TRPS1: variants seen among roughly 807,000 people sequenced by gnomAD.
The protein encoded by TRPS1 is zinc finger transcription factor Trps1.
Under a neutral mutation model 101.2 loss-of-function variants are expected in TRPS1, and 6 were observed. The observed-to-expected ratio is 0.06, with a 90% CI of 0.03 to 0.12. TRPS1 has a LOEUF of 0.12. TRPS1 is among the 10% of genes least tolerant of loss of function. The pLI, the probability that TRPS1 is intolerant of heterozygous loss-of-function variation, is 1.00. For missense variants in TRPS1, 1,363 were observed against 1,567.0 expected (o/e 0.87, Z 2.20); for synonymous variants, 578 against 589.8 (o/e 0.98, Z 0.29).
At chr8:115,652,722 A>T (rs1367208210) in intron 1 of TRPS1, among the ~76,000 whole-genome samples, 1 of 152,254 alleles carries the variant, frequency 6.6e-6, no homozygotes, top group African/African-American at 2.4e-5. Context: ...TAATCAATCT[A>T]CAACTGGATT....
chr8:115,556,277 A>C (rs901310545), intron 5 of TRPS1, among the ~76,000 whole-genome samples: 1 of 152,188 alleles, frequency 6.6e-6, no homozygotes, highest in Admixed American at 6.5e-5. Context: ...AGAGAAACTG[A>C]TGGCAAAGAT....
intron 5 of TRPS1, among the ~76,000 whole-genome samples, chr8:115,436,096 A>G (rs1234713889): frequency 6.6e-6 from 1 of 151,730 alleles, no homozygotes; most frequent in Admixed American, 6.6e-5. Flanking sequence ...TAAGCCTTTA[A>G]TCATTACTCA....
chr8:115,621,010 A>C (rs781351140), intron 2 of TRPS1, among the ~76,000 whole-genome samples: 43 of 152,246 alleles, frequency 2.8e-4, no homozygotes, highest in Non-Finnish European at 5.7e-4. Flanking sequence ...TCACCTTTAC[A>C]CATTAGCTCA....
chr8:115,418,181 C>A lies in TRPS1; in HGVS notation c.2823+149G>T. The A allele has an allele frequency of 7.6e-7, 1 of 1,308,526 alleles. No individual in the cohort carries two copies. The highest frequency in any genetic ancestry group is 1.1e-6 in the Non-Finnish European group (1 of 916,084). The allele number at this position is 1,308,526 out of a possible 1,614,324, so 81.1% of individuals were successfully genotyped here. ...CCCATCACATCTAAGCCCCCTTCAC[C>A]ATAAATCACATGTGCACTCAAAGTG... On this transcript the variant is annotated intron_variant, in intron 6 of 6. Transcript: ENST00000395715. This position sits in a 1 kb window ranked among gnomAD's most constrained non-coding sequence, Gnocchi z 4.3.
chr8:115,453,026 AT>A (rs1315243679), intron 5 of TRPS1, among the ~76,000 whole-genome samples: 107 of 145,916 alleles, frequency 7.3e-4, no homozygotes, highest in African/African-American at 1.1e-3. Context: ...TCCACTTTCA[AT>A]TTTTTTTTTT....
At chr8:115,634,892 A>T (rs1277792853) in intron 1 of TRPS1, among the ~76,000 whole-genome samples, 17 of 151,970 alleles carry the variant, frequency 1.1e-4, no homozygotes, top group Admixed American at 1.1e-3. Flanking sequence ...TAAAAAGAAG[A>T]AAGAAAAGAC....
At chr8:115,611,806 TATGTAATAAGTAATATAA>T (rs1434559411) in intron 3 of TRPS1, among the ~76,000 whole-genome samples, 4 of 152,232 alleles carry the variant, frequency 2.6e-5, no homozygotes, top group Admixed American at 1.3e-4. Context: ...CGGTGCTTGC[TATGTAATAAGTAATATAA>T]ATGTAATAAG....
At chr8:115,599,256 T>C (rs951139222) in intron 4 of TRPS1, among the ~76,000 whole-genome samples, 5 of 152,212 alleles carry the variant, frequency 3.3e-5, no homozygotes, top group Admixed American at 6.6e-5. Flanking sequence ...TCAATCCATA[T>C]GTTTTAAGTT....
chr8:115,501,781 T>C (rs1486304412), intron 5 of TRPS1, among the ~76,000 whole-genome samples: 1 of 152,194 alleles, frequency 6.6e-6, no homozygotes, highest in Admixed American at 6.5e-5. Context: ...TCTGGGTAAC[T>C]TGACCTCCTA....
chr8:115,477,722 C>T (rs960136954), intron 5 of TRPS1, among the ~76,000 whole-genome samples: 1 of 152,128 alleles, frequency 6.6e-6, no homozygotes, highest in Non-Finnish European at 1.5e-5. Context: ...ATCTCTGTAT[C>T]CTTAGTTGGC....
Position 115,647,992 on chromosome 8 carries a change from TAC to T in TRPS1, c.-122+20551_-122+20552del, listed in dbSNP as rs922719033. 7.9e-5 allele frequency among the ~76,000 whole-genome samples: 12 copies of T among 152,204 alleles called. No individual in the cohort carries two copies. The East Asian group carries it at 9.7e-4, about 12-fold the overall frequency. On this transcript the variant is annotated intron_variant, in intron 1 of 6. Transcript: ENST00000395715. ...TTTTTTGCATTAATCTCATGCCTCT[TAC>T]AGTTTGCCCAATGATCACAGGTGAA...
chr8:115,580,946 C>A (rs1190602277), intron 5 of TRPS1, among the ~76,000 whole-genome samples: 1 of 152,026 alleles, frequency 6.6e-6, no homozygotes, highest in Non-Finnish European at 1.5e-5. Flanking sequence ...GACACCTGTA[C>A]CCCCATGTTC....
At chr8:115,632,285 C>A (rs934238156) in intron 1 of TRPS1, among the ~76,000 whole-genome samples, 3 of 151,928 alleles carry the variant, frequency 2.0e-5, no homozygotes, top group African/African-American at 4.8e-5. Context: ...TCTGTATTCT[C>A]CAACATTCCA....
intron 4 of TRPS1, among the ~76,000 whole-genome samples, chr8:115,601,002 C>T (rs1817895532): frequency 6.6e-6 from 1 of 152,066 alleles, no homozygotes; most frequent in South Asian, 2.1e-4. Flanking sequence ...TTTGCAGTTC[C>T]ACCAAGTTTA....
At chr8:115,557,133 A>AG (rs1816840163) in intron 5 of TRPS1, among the ~76,000 whole-genome samples, 1 of 152,052 alleles carries the variant, frequency 6.6e-6, no homozygotes, top group African/African-American at 2.4e-5. Context: ...AAACCACCTG[A>AG]TCTCGTGAGA....
At position 115,619,633 on chromosome 8, in the gene TRPS1, G is replaced by T. The variant is rs779737846; in HGVS notation, c.465C>A (p.Thr155=). 1.9e-6 allele frequency: 3 copies of T among 1,614,140 alleles called. No individual in the cohort carries two copies. The South Asian group carries it at 3.3e-5, about 18-fold the overall frequency. The stretch of plus-strand genomic sequence containing the variant: ...TTGTCTCCAGTGAGTCCCCTGAGGG[G>T]GTGCAGGCCATATCTTGAGGGTCAT... ...EADDPQDMAC[T]PSGDSLETKE... is the part of the protein sequence containing the mutation. Residue 155 remains threonine, a synonymous_variant, in exon 3 of 7, where the codon ACC becomes ACA. Transcript: ENST00000395715.
At chr8:115,428,097 CATGTTCAGGTA>C (rs1813233488) in intron 5 of TRPS1, among the ~76,000 whole-genome samples, 1 of 152,092 alleles carries the variant, frequency 6.6e-6, no homozygotes, top group South Asian at 2.1e-4. Context: ...TGTAAACACA[CATGTTCAGGTA>C]ACAATTTACT....
intron 5 of TRPS1, among the ~76,000 whole-genome samples, chr8:115,520,374 T>C (rs1223308915): frequency 1.3e-5 from 2 of 151,794 alleles, no homozygotes; most frequent in Non-Finnish European, 3.0e-5. Context: ...TCATTTATCT[T>C]TCAGCTCTTC....
chr8:115,527,193 T>TTC (rs1393369036), intron 5 of TRPS1, among the ~76,000 whole-genome samples: 2 of 152,128 alleles, frequency 1.3e-5, no homozygotes, highest in African/African-American at 4.8e-5. Context: ...CCTTTTTTTT[T>TTC]CATTCTGACT....
Sources: gnomAD v4.1 joint callset for allele counts (sites outside exome capture counted in the v4.1 genomes callset) on GRCh38, gnomAD v4.1.1 for gene constraint, Gnocchi (gnomAD v3.1) non-coding constraint, MANE v1.5 for transcripts, NCBI Gene and HGNC (gene_info 2026-07-23, HGNC 2026-07-21) for gene names.